Variants in HSPG2 observed in about 807,000 individuals in gnomAD.
The protein encoded by HSPG2 is basement membrane-specific heparan sulfate proteoglycan core protein.
A neutral mutation model predicts 526.6 loss-of-function variants in HSPG2; 278 were observed. That is an observed-to-expected ratio of 0.53 (90% CI 0.48 to 0.58). The LOEUF (loss-of-function observed/expected upper bound fraction) is 0.58, where lower values mean the gene tolerates loss of function less well. Ranked by LOEUF, HSPG2 falls within the 20% of genes least tolerant of loss-of-function variation. HSPG2 has a pLI of 0.00. For missense variants in HSPG2, 5,354 were observed against 6,099.5 expected (o/e 0.88, Z 4.07); for synonymous variants, 2,465 against 2,555.4 (o/e 0.96, Z 1.07).
intron 3 of HSPG2, among the ~76,000 whole-genome samples, chr1:21,891,774 C>T (rs1027109977): frequency 9.2e-5 from 14 of 152,162 alleles, no homozygotes; most frequent in African/African-American, 3.4e-4. Context: ...CCATGCCCAG[C>T]TAATGTTTTG....
chr1:21,852,244 G>A lies in HSPG2; in HGVS notation c.6725-11C>T. On this transcript the variant is annotated splice_polypyrimidine_tract_variant and intron_variant, in intron 52 of 96. Transcript: ENST00000374695. ...CAGGTGGGATGGGTCCTGCAGCAGT[G>A]GGGATGGGAGTGAGAGTTGTAGATG... The A allele has an allele frequency of 1.2e-6, 2 of 1,613,920 alleles. No homozygotes were observed. The highest frequency in any genetic ancestry group is 1.7e-6 in the Non-Finnish European group (2 of 1,179,976).
chr1:21,908,749 ACT>A (rs1481853417), intron 1 of HSPG2, among the ~76,000 whole-genome samples: 3 of 152,206 alleles, frequency 2.0e-5, no homozygotes, highest in Admixed American at 6.5e-5. Flanking sequence ...ATTTTAGAGC[ACT>A]GACACTCTAA....
At chr1:21,883,875 A>C (rs760563772) in intron 13 of HSPG2, among the ~76,000 whole-genome samples, 1 of 152,218 alleles carries the variant, frequency 6.6e-6, no homozygotes, top group Non-Finnish European at 1.5e-5. Flanking sequence ...AGTGCCAGAA[A>C]GAACTGAGTC....
rs1026327998 is a variant in HSPG2, at chr1:21,890,244, G to T, written c.414-103C>A. The T allele has an allele frequency of 6.9e-7, 1 of 1,454,374 alleles. No individual in the cohort carries two copies. The highest frequency in any genetic ancestry group is 9.6e-7 in the Non-Finnish European group (1 of 1,040,390). 90.1% of individuals were successfully genotyped at this position (1,454,374 alleles called of 1,614,324 possible). The stretch of plus-strand genomic sequence containing the variant: ...GACGCTCAGGCCCTGTTCCGGGACA[G>T]CCTGTACCCAAAGAAGGGCAACTAA... On this transcript the variant is annotated intron_variant, in intron 5 of 96. Transcript: ENST00000374695. The surrounding 1 kb of genome is among the most constrained non-coding windows in gnomAD (Gnocchi z 4.1).
chr1:21,854,039 G>A (rs776109019), intron 50 of HSPG2, among the ~76,000 whole-genome samples, 154 bp downstream of exon 50: 6 of 152,082 alleles, frequency 3.9e-5, no homozygotes, highest in African/African-American at 9.7e-5. Flanking sequence ...CCTCCCTCCC[G>A]TCCACTCAAC....
At chr1:21,935,468 T>C (rs920329113) in intron 1 of HSPG2, among the ~76,000 whole-genome samples, 7 of 152,238 alleles carry the variant, frequency 4.6e-5, no homozygotes, top group African/African-American at 1.7e-4. Flanking sequence ...ACTGGTTCAC[T>C]GGCACACAGT....
rs546630492 is a variant in HSPG2 at position 21,831,631 on chromosome 1, C to G, written c.11352+21G>C. The G allele has an allele frequency of 1.9e-6, 3 of 1,610,972 alleles. No homozygotes were observed. In the African/African-American group the frequency reaches 4.0e-5, roughly 21 times the overall value. On this transcript the variant is annotated intron_variant, in intron 82 of 96. Coordinates refer to ENST00000374695, the MANE Select transcript of HSPG2 (RefSeq NM_005529.7). Reference sequence around the variant, plus strand: ...AGGGCGGGATGAGGGCTGGAAGTAGCAGTATGGGGTTGGGTCTCACCTGGG... The same window carrying G: ...AGGGCGGGATGAGGGCTGGAAGTAGGAGTATGGGGTTGGGTCTCACCTGGG...
chr1:21,832,540 G>T lies in HSPG2; in HGVS notation c.11162C>A (p.Pro3721His). The change falls in exon 81 of 97, where the codon CCC becomes CAC. Residue 3721 changes from proline (P) to histidine (H), a missense_variant. By Grantham distance (77) the Pro-to-His change is moderately conservative (BLOSUM62 -2). Transcript: ENST00000374695. ...CACGAGGCCGAAGGAGATGAAGTCG[G>T]GCTGCCGGTTGGCCAGGTTGGTGGG... ...GSPTNLANRQ[P>H]DFISFGLVGG... 1 of 1,614,212 alleles carries T rather than the reference G, an allele frequency of 6.2e-7. No homozygotes were observed. The highest frequency in any genetic ancestry group is 1.1e-5 in the South Asian group (1 of 91,090).
At chr1:21,863,535 C>T (rs769477966) in intron 37 of HSPG2, among the ~76,000 whole-genome samples, 2 of 151,978 alleles carry the variant, frequency 1.3e-5, no homozygotes, top group African/African-American at 2.4e-5. Context: ...CCCTTCACTG[C>T]GTACCCTGGG....
In HSPG2 at chr1:21,831,673, G is replaced by A. The variant is rs767899625; in HGVS notation, c.11331C>T (p.Ala3777=). The change falls in exon 82 of 97, where the codon GCC becomes GCT. Residue 3777 remains alanine, a synonymous_variant. Coordinates refer to ENST00000374695, the MANE Select transcript of HSPG2 (RefSeq NM_005529.7). ...TCACCTGGGAGGTCCCATTGACCGGGGCCAGGTCACCCACAATCAGGGAGC... is the reference window on the plus strand; with the variant it reads ...TCACCTGGGAGGTCCCATTGACCGGAGCCAGGTCACCCACAATCAGGGAGC... The part of the protein sequence containing the change: ...TQGSLIVGDL[A]PVNGTSQGKF... The A allele has an allele frequency of 6.2e-7, 1 of 1,606,326 alleles. No individual in the cohort carries two copies. The highest frequency in any genetic ancestry group is 1.1e-5 in the South Asian group (1 of 89,990).
intron 1 of HSPG2, among the ~76,000 whole-genome samples, chr1:21,918,187 G>A (rs563374264): frequency 8.5e-5 from 13 of 152,238 alleles, no homozygotes; most frequent in Admixed American, 7.2e-4. Flanking sequence ...ACAACAGGCC[G>A]TGTGCAGTTG....
At chr1:21,850,529 C>T (rs778155780) in intron 55 of HSPG2, 31 bp from the exon 56 acceptor site, 67 of 1,577,148 alleles carry the variant, frequency 4.2e-5, no homozygotes, top group Non-Finnish European at 5.7e-5. Context: ...TCAGAGGGAG[C>T]CCTCAGGAGA....
At chr1:21,930,293 T>C (rs934587791) in intron 1 of HSPG2, among the ~76,000 whole-genome samples, 1 of 152,168 alleles carries the variant, frequency 6.6e-6, no homozygotes, top group Non-Finnish European at 1.5e-5. Flanking sequence ...ATCAGAGGCT[T>C]TTCCTACCAC....
At chr1:21,843,533 T>A (rs1010489631) in intron 65 of HSPG2, 95 bp from the exon 66 acceptor site, 3 of 1,349,420 alleles carry the variant, frequency 2.2e-6, no homozygotes, top group Admixed American at 2.1e-5. Flanking sequence ...CATGCACAGA[T>A]ATGTAGGCGC....
At position 21,822,532 on chromosome 1, in the gene HSPG2, T is replaced by G. The variant is rs948769987; in HGVS notation, c.*784A>C. 31 of 366,578 alleles carry G rather than the reference T, an allele frequency of 8.5e-5. 1 individual carries two copies. The highest frequency in any genetic ancestry group is 5.6e-4 in the African/African-American group (27 of 48,622). 22.7% of individuals were successfully genotyped at this position (366,578 alleles called of 1,614,324 possible). On this transcript the variant is annotated 3_prime_UTR_variant, in exon 97 of 97. Coordinates refer to ENST00000374695, the MANE Select transcript of HSPG2 (RefSeq NM_005529.7). ...GTTGGAGGAGTCCCTGGGCCTTCACTTCCAGATGGGTGGGGATGTGGCCTG... is the reference window on the plus strand; with the variant it reads ...GTTGGAGGAGTCCCTGGGCCTTCACGTCCAGATGGGTGGGGATGTGGCCTG...
Position 21,823,304 on chromosome 1 carries a change from G to A in HSPG2, c.*12C>T. On this transcript the variant is annotated 3_prime_UTR_variant, in exon 97 of 97. Transcript: ENST00000374695. ...GGCGTGGCCCGGGAGTCCGTGTGGG[G>A]CAGGCAGGTGCCTACGAGGGGCAGG... 6.6e-7 allele frequency: 1 copy of A among 1,519,960 alleles called. No individual in the cohort carries two copies. 94.2% of individuals were successfully genotyped at this position (1,519,960 alleles called of 1,614,324 possible).
Position 21,828,559 on chromosome 1 carries a change from G to A in HSPG2, c.12238-133C>T, listed in dbSNP as rs1024788502. ...GCCCTGAGTGGTAGCATGGATTCTC[G>A]GTGTGGGGAGGGAGGCGCAGGAGTT... is the stretch of plus-strand genomic sequence containing the variant. On this transcript the variant is annotated intron_variant, in intron 88 of 96. Coordinates refer to ENST00000374695, the MANE Select transcript of HSPG2 (RefSeq NM_005529.7). This position sits in a 1 kb window ranked among gnomAD's most constrained non-coding sequence, Gnocchi z 6.0. 1.3e-5 allele frequency: 13 copies of A among 983,938 alleles called. No homozygotes were observed. The highest frequency in any genetic ancestry group is 3.2e-5 in the African/African-American group (2 of 62,188). The allele number at this position is 983,938 out of a possible 1,614,324, so 61.0% of individuals were successfully genotyped here.
chr1:21,906,307 G>A (rs992758246), intron 1 of HSPG2, among the ~76,000 whole-genome samples: 4 of 152,320 alleles, frequency 2.6e-5, no homozygotes, highest in African/African-American at 9.6e-5. Context: ...CTGGCTCCAG[G>A]GCCTTGCGCA....
chr1:21,890,373 C>T lies in HSPG2; in HGVS notation c.413+54G>A, dbSNP rs1317822699. On this transcript the variant is annotated intron_variant, in intron 5 of 96. Transcript: ENST00000374695. The surrounding 1 kb of genome is among the most constrained non-coding windows in gnomAD (Gnocchi z 4.1). ...GCTTCCTTCCCATCCTCATCAGCCC[C>T]CTCCAGGTTACCCGCTCAAGTCCCC... The T allele has an allele frequency of 3.9e-6, 6 of 1,555,308 alleles. No homozygotes were observed. The highest frequency in any genetic ancestry group is 5.3e-6 in the Non-Finnish European group (6 of 1,126,912).
Sources: allele counts gnomAD v4.1 joint callset (sites outside exome capture counted in the v4.1 genomes callset), GRCh38; gene constraint gnomAD v4.1.1; non-coding constraint Gnocchi (gnomAD v3.1); transcripts MANE v1.5; gene names NCBI Gene and HGNC (gene_info 2026-07-23, HGNC 2026-07-21).